GOLGA2: variants seen among roughly 807,000 people sequenced by gnomAD.
The protein encoded by GOLGA2 is golgin A2, also known as golgin subfamily A member 2.
Under a neutral mutation model 148.8 loss-of-function variants are expected in GOLGA2, and 49 were observed. That is an observed-to-expected ratio of 0.33 (90% CI 0.26 to 0.42). The LOEUF (loss-of-function observed/expected upper bound fraction) is 0.42. Ranked by LOEUF, GOLGA2 falls within the 10% of genes least tolerant of loss-of-function variation. GOLGA2 has a pLI of 1.00. For synonymous variants in GOLGA2, 501 were observed against 511.8 expected (o/e 0.98, Z 0.28); for missense variants, 1,178 against 1,304.6 (o/e 0.90, Z 1.49).
intron 1 of GOLGA2, among the ~76,000 whole-genome samples, chr9:128,274,393 T>C (rs762459149): frequency 3.9e-5 from 6 of 152,044 alleles, no homozygotes; most frequent in Admixed American, 3.3e-4. Flanking sequence ...AATTCAAATA[T>C]GAGGTGGAGA....
rs201243209 is a variant in GOLGA2, at chr9:128,260,108, G to A, written c.1840C>T (p.Leu614=). The part of the protein sequence containing the change: ...KRELGKKLGE[L]QEKLSELKET... ...TTCAGCTCGCTCAGCTTCTCCTGCA[G>A]CTCGCCCAGCTTCTTTCCCAGCTCC... The change falls in exon 19 of 27, where the codon CTG becomes TTG. Residue 614 remains leucine, a synonymous_variant. Transcript: ENST00000611957. The surrounding 1 kb of genome is among the most constrained non-coding windows in gnomAD (Gnocchi z 4.8). 17 of 1,610,598 alleles carry A rather than the reference G, an allele frequency of 1.1e-5. No homozygotes were observed. Among genetic ancestry groups the A allele is most frequent in the Non-Finnish European group, 1.2e-5 (14 of 1,179,632 alleles).
chr9:128,259,841 G>A (rs920672287), intron 19 of GOLGA2, among the ~76,000 whole-genome samples: 2 of 152,228 alleles, frequency 1.3e-5, no homozygotes, highest in Non-Finnish European at 2.9e-5. Context: ...CTCTTCCCCT[G>A]TGATTGGGAG....
At chr9:128,272,340 C>A (rs941689354) in intron 3 of GOLGA2, among the ~76,000 whole-genome samples, 19 of 151,818 alleles carry the variant, frequency 1.3e-4, no homozygotes, top group African/African-American at 4.1e-4. Flanking sequence ...AAAAATGAGC[C>A]AGACATGGTG....
rs1388198878 is a variant in GOLGA2 at position 128,258,352 on chromosome 9, G to A, written c.2289+103C>T. 3 of 1,212,068 alleles carry A rather than the reference G, an allele frequency of 2.5e-6. No individual in the cohort carries two copies. The highest frequency in any genetic ancestry group is 2.3e-5 in the East Asian group (1 of 42,696). The allele number at this position is 1,212,068 out of a possible 1,614,324, so 75.1% of individuals were successfully genotyped here. The stretch of plus-strand genomic sequence containing the variant: ...CCACTGGCTCCCAGGAAAGGGGTGA[G>A]GGTCCGAAGAAATCAGAAGGCCGGG... On this transcript the variant is annotated intron_variant, in intron 22 of 26. Transcript: ENST00000611957. The surrounding 1 kb of genome is among the most constrained non-coding windows in gnomAD (Gnocchi z 6.6).
At chr9:128,267,637 G>A (rs1040404480) in intron 6 of GOLGA2, 120 bp from the exon 7 acceptor site, 17 of 780,356 alleles carry the variant, frequency 2.2e-5, no homozygotes, top group South Asian at 4.6e-5. Context: ...CCTCTGTCCC[G>A]TAACCCCTTT....
In GOLGA2 at chr9:128,267,981, C is replaced by T. The variant is rs557422198; in HGVS notation, c.454G>A (p.Glu152Lys). ...TGTTGGGAGAGTTGTCGCAGGCTCTCGGTTGATGAGAAAGTCCTAGGGATG... is the reference window on the plus strand; with the variant it reads ...TGTTGGGAGAGTTGTCGCAGGCTCTTGGTTGATGAGAAAGTCCTAGGGATG... ...MDETKTFSST[E>K]SLRQLSQQLN... The change falls in exon 6 of 27, where the codon GAG becomes AAG. Residue 152 changes from glutamate to lysine, a missense_variant. Transcript: ENST00000611957. 5.0e-5 allele frequency: 80 copies of T among 1,613,850 alleles called. No homozygotes were observed. In the South Asian group the frequency reaches 6.7e-4, roughly 14 times the overall value.
Position 128,266,303 on chromosome 9 carries a change from G to A in GOLGA2, c.665C>T (p.Thr222Met), listed in dbSNP as rs775544000. ...EKLKQQNQEI[T>M]DQLEEEKKEC... ...TCACGTTACTTCTTCCAACTGATCC[G>A]TAATTTCTTGGTTCTGTTGTTTCTG... Residue 222 changes from threonine to methionine, a missense_variant, in exon 9 of 27, where the codon ACG (threonine) becomes ATG (methionine). Thr to Met is a moderately conservative substitution (Grantham distance 81). Around this residue, in one of 5 missense-constraint regions of GOLGA2, gnomAD observed 304 missense variants for 404.1 expected, o/e 0.75. Transcript: ENST00000611957. This position sits in a 1 kb window ranked among gnomAD's most constrained non-coding sequence, Gnocchi z 4.2. The A allele has an allele frequency of 2.0e-5, 33 of 1,612,774 alleles. No homozygotes were observed. Among genetic ancestry groups the A allele is most frequent in the East Asian group, 1.8e-4 (8 of 44,896 alleles).
rs1475729472 is a variant in GOLGA2 at position 128,259,042 on chromosome 9, C to T, written c.2138G>A (p.Arg713Gln). The part of the protein sequence containing the change: ...EAATQQNQQL[R>Q]AQLSLMAHPG... ...GTGAGCCATGAGGCTCAACTGGGCC[C>T]GTAGCTGCTGATTCTGCTGGGTGGC... The change falls in exon 21 of 27, where the codon CGG becomes CAG. Residue 713 changes from arginine (R) to glutamine (Q), a missense_variant. By Grantham distance (43) the Arg-to-Gln change is conservative. Around this residue, in one of 5 missense-constraint regions of GOLGA2, gnomAD observed 529 missense variants for 521.8 expected, o/e 1.01. Transcript: ENST00000611957. The T allele has an allele frequency of 8.1e-6, 13 of 1,610,562 alleles. No individual in the cohort carries two copies. Among genetic ancestry groups the T allele is most frequent in the East Asian group, 2.2e-5 (1 of 44,886 alleles).
At chr9:128,264,368 A>AG (rs1830468150) in intron 12 of GOLGA2, among the ~76,000 whole-genome samples, 1 of 147,162 alleles carries the variant, frequency 6.8e-6, no homozygotes, top group Non-Finnish European at 1.5e-5. Context: ...CTGAGTACCT[A>AG]GGATTACAGG....
At position 128,257,184 on chromosome 9, in the gene GOLGA2, C is replaced by G. The variant is rs1442412416; in HGVS notation, c.2973G>C (p.Met991Ile). 6.2e-7 allele frequency: 1 copy of G among 1,613,884 alleles called. No individual in the cohort carries two copies. The highest frequency in any genetic ancestry group is 2.2e-5 in the East Asian group (1 of 44,898). The change falls in exon 27 of 27, where the codon ATG becomes ATC. Residue 991 changes from methionine (M) to isoleucine (I), a missense_variant. By Grantham distance (10) the Met-to-Ile change is conservative. Transcript: ENST00000611957. This position sits in a 1 kb window ranked among gnomAD's most constrained non-coding sequence, Gnocchi z 8.0. ...PRDNPTAQQIMQLLREMQNPR... is the reference protein window; with the variant it reads ...PRDNPTAQQIIQLLREMQNPR... ...GGTTCTGCATCTCACGAAGCAGCTG[C>G]ATGATCTGCTGTGCAGTGGGGTTGT...
At position 128,257,029 on chromosome 9, in the gene GOLGA2, G is replaced by T; in HGVS notation, c.*38C>A. 6.7e-7 allele frequency: 1 copy of T among 1,484,526 alleles called. No individual in the cohort carries two copies. Among genetic ancestry groups the T allele is most frequent in the Non-Finnish European group, 9.4e-7 (1 of 1,069,136 alleles). The allele number at this position is 1,484,526 out of a possible 1,614,324, so 92.0% of individuals were successfully genotyped here. A position where few individuals can be genotyped will look rare whatever the true frequency, so the allele number is the denominator to read the frequency against. On this transcript the variant is annotated 3_prime_UTR_variant, in exon 27 of 27. Transcript: ENST00000611957. The surrounding 1 kb of genome is among the most constrained non-coding windows in gnomAD (Gnocchi z 8.0). ...GGATATGGTGGGGGCAGGGTATCCA[G>T]CCCCACTTCTTCAGGCTTTGCTGAC...
At position 128,263,084 on chromosome 9, in the gene GOLGA2, CTTG is replaced by C; in HGVS notation, c.939_941del (p.Asn313del). ...GGGCGTCTCTCTCTTTGGTTAACTC[CTTG>C]TTGTACTGTAAATACAGAAAGGTTA... On this transcript the variant is annotated inframe_deletion, in exon 13 of 27. Transcript: ENST00000611957. The C allele has an allele frequency of 1.9e-6, 3 of 1,606,346 alleles. No individual in the cohort carries two copies. Among genetic ancestry groups the C allele is most frequent in the Non-Finnish European group, 2.6e-6 (3 of 1,173,122 alleles).
chr9:128,261,775 A>G lies in GOLGA2; in HGVS notation c.1135-18T>C, dbSNP rs888243945. ...CTTGAAAACTGGATGGTGAAGAGCG[A>G]GAAGTTTAGATCTGGGGAGCCCAGG... On this transcript the variant is annotated intron_variant, in intron 14 of 26. Transcript: ENST00000611957. The surrounding 1 kb of genome is among the most constrained non-coding windows in gnomAD (Gnocchi z 5.7). 2.0e-5 allele frequency: 31 copies of G among 1,571,272 alleles called. No homozygotes were observed. The highest frequency in any genetic ancestry group is 2.6e-5 in the Non-Finnish European group (30 of 1,140,868).
rs574763032 is a variant in GOLGA2 at position 128,270,998 on chromosome 9, A to G, written c.288+1787T>C. ...CGGGAGGGGGAGGTTGCAGTGAGCC[A>G]AGATCACACCACTGCACTCCAGGAG... On this transcript the variant is annotated intron_variant, in intron 3 of 26. Coordinates refer to ENST00000611957, the MANE Select transcript of GOLGA2 (RefSeq NM_001366244.2). Among the ~76,000 whole-genome samples the G allele has an allele frequency of 5.3e-5, 8 of 152,272 alleles. No homozygotes were observed. In the East Asian group the frequency reaches 7.7e-4, roughly 15 times the overall value.
intron 3 of GOLGA2, among the ~76,000 whole-genome samples, chr9:128,272,246 G>A (rs1416933570): frequency 2.0e-5 from 3 of 151,758 alleles, no homozygotes; most frequent in Non-Finnish European, 4.4e-5. Flanking sequence ...CACTTTGGGA[G>A]GCCAAGGTGG....
intron 2 of GOLGA2, 100 bp downstream of exon 2, chr9:128,273,750 C>G: frequency 7.0e-7 from 1 of 1,433,664 alleles, no homozygotes; most frequent in Non-Finnish European, 9.6e-7. Context: ...AAACCCAGAA[C>G]TCTTAATCAG....
rs767043708 is a variant in GOLGA2, at chr9:128,257,345, AC to A, written c.2875+23del. The A allele has an allele frequency of 6.2e-7, 1 of 1,612,374 alleles. No individual in the cohort carries two copies. The highest frequency in any genetic ancestry group is 8.5e-7 in the Non-Finnish European group (1 of 1,179,764). ...AGCCCTCCCTTACTCCTGCCTGCCCACCCCTCCCGAGGGCTCTACTCACCAC... is the reference window on the plus strand; with the variant it reads ...AGCCCTCCCTTACTCCTGCCTGCCCACCCTCCCGAGGGCTCTACTCACCAC... On this transcript the variant is annotated intron_variant, in intron 26 of 26. Coordinates refer to ENST00000611957, the MANE Select transcript of GOLGA2 (RefSeq NM_001366244.2). The surrounding 1 kb of genome is among the most constrained non-coding windows in gnomAD (Gnocchi z 8.0).
At chr9:128,274,986 C>T (rs188590088) in intron 1 of GOLGA2, among the ~76,000 whole-genome samples, 1 of 152,262 alleles carries the variant, frequency 6.6e-6, no homozygotes, top group East Asian at 1.9e-4. Flanking sequence ...GGTCCCAGAA[C>T]CATGGAGAAT....
At position 128,268,123 on chromosome 9, in the gene GOLGA2, T is replaced by C. The variant is rs762949493; in HGVS notation, c.431A>G (p.Glu144Gly). 12 of 1,613,440 alleles carry C rather than the reference T, an allele frequency of 7.4e-6. No individual in the cohort carries two copies. Among genetic ancestry groups the C allele is most frequent in the Non-Finnish European group, 7.6e-6 (9 of 1,179,368 alleles). ...CCCAACAGGAGACACTCACTTGGTTTCATCCATGAGATTAGGGACATTGTC... is the reference window on the plus strand; with the variant it reads ...CCCAACAGGAGACACTCACTTGGTTCCATCCATGAGATTAGGGACATTGTC... Reference protein sequence around the residue: ...DADNVPNLMDETKTFSSTESL... With the variant: ...DADNVPNLMDGTKTFSSTESL... Residue 144 changes from glutamate to glycine, a missense_variant, in exon 5 of 27, where the codon GAA becomes GGA. Coordinates refer to ENST00000611957, the MANE Select transcript of GOLGA2 (RefSeq NM_001366244.2).
Sources: allele counts gnomAD v4.1 joint callset (sites outside exome capture counted in the v4.1 genomes callset), GRCh38; gene constraint gnomAD v4.1.1; regional missense constraint gnomAD v4.1.1; non-coding constraint Gnocchi (gnomAD v3.1); transcripts MANE v1.5; gene names NCBI Gene and HGNC (gene_info 2026-07-23, HGNC 2026-07-21).